Variants in ENOX2 observed in about 807,000 individuals in gnomAD.
The protein encoded by ENOX2 is ecto-NOX disulfide-thiol exchanger 2.
Under a neutral mutation model 45.0 loss-of-function variants are expected in ENOX2, and 36 were observed. The observed-to-expected ratio is 0.80, with a 90% CI of 0.61 to 1.06. The LOEUF is 1.06. Ranked by LOEUF, ENOX2 falls within the 50% of genes least tolerant of loss-of-function variation. ENOX2 has a pLI of 0.00. For synonymous variants in ENOX2, 174 were observed against 152.3 expected, an observed-to-expected ratio of 1.14 and a Z score of -1.05; for missense variants, 423 against 462.5, an observed-to-expected ratio of 0.91 and a Z score of 0.78.
At chrX:130,644,064 G>A (rs1446851167) in intron 10 of ENOX2, among the ~76,000 whole-genome samples, 1 of 111,587 alleles carries the variant, frequency 9.0e-6, no homozygotes, top group African/African-American at 3.3e-5. Context: ...CATGGAACTT[G>A]AATAGTATAC....
intron 2 of ENOX2, among the ~76,000 whole-genome samples, chrX:130,896,386 G>A (rs755358669): frequency 3.0e-4 from 33 of 110,137 alleles, no homozygotes; most frequent in Admixed American, 7.7e-4. Flanking sequence ...ACATCCCCAC[G>A]GGTACATATC....
At chrX:130,708,480 A>G (rs1008516701) in intron 3 of ENOX2, among the ~76,000 whole-genome samples, 2 of 112,011 alleles carry the variant, frequency 1.8e-5, no homozygotes, top group Non-Finnish European at 3.8e-5. Flanking sequence ...AATGCTCACA[A>G]TGTAACTCAT....
At chrX:130,863,078 C>A (rs965988659) in intron 2 of ENOX2, among the ~76,000 whole-genome samples, 3 of 112,055 alleles carry the variant, frequency 2.7e-5, no homozygotes, top group Admixed American at 1.9e-4. Context: ...ACACCACAAA[C>A]ACAAACACAT....
At chrX:130,769,056 T>C (rs747342955) in intron 3 of ENOX2, among the ~76,000 whole-genome samples, 5 of 111,578 alleles carry the variant, frequency 4.5e-5, no homozygotes, top group South Asian at 7.6e-4. Flanking sequence ...GCCTAATTAT[T>C]GGAGCAAATG....
At chrX:130,846,172 A>G (rs967485833) in intron 2 of ENOX2, among the ~76,000 whole-genome samples, 1 of 111,499 alleles carries the variant, frequency 9.0e-6, no homozygotes, top group Non-Finnish European at 1.9e-5. Context: ...CAGGTTGAGA[A>G]ATCAGGGTCT....
chrX:130,871,463 C>T (rs975306830), intron 2 of ENOX2, among the ~76,000 whole-genome samples: 1 of 110,753 alleles, frequency 9.0e-6, no homozygotes, highest in Non-Finnish European at 1.9e-5. Context: ...GAATATATAA[C>T]GCCCAATCAA....
rs190329426 is a variant in ENOX2 at position 130,805,634 on chromosome X, T to C, written c.-182-21944A>G. On this transcript the variant is annotated intron_variant, in intron 2 of 14. Coordinates refer to ENST00000394363, the MANE Select transcript of ENOX2 (RefSeq NM_006375.4). ...CACATTTACACACCACCATATGTCA[T>C]ATCCATAGACACTCAATACATGCTG... 1.8e-3 allele frequency among the ~76,000 whole-genome samples: 196 copies of C among 111,735 alleles called. 1 individual carries two copies. Among genetic ancestry groups the C allele is most frequent in the African/African-American group, 5.9e-3 (181 of 30,755 alleles).
chrX:130,796,902 G>T (rs1014133342), intron 2 of ENOX2, among the ~76,000 whole-genome samples: 2 of 112,061 alleles, frequency 1.8e-5, no homozygotes, highest in African/African-American at 6.5e-5. Context: ...CAATGTAATT[G>T]TCTCCTGGAG....
chrX:130,856,358 G>C (rs1401569814), intron 2 of ENOX2, among the ~76,000 whole-genome samples: 1 of 112,070 alleles, frequency 8.9e-6, no homozygotes, highest in African/African-American at 3.2e-5. Flanking sequence ...TGAAGATTGA[G>C]CTACAGTACC....
chrX:130,664,497 TACTC>T (rs1388374304), intron 9 of ENOX2, among the ~76,000 whole-genome samples: 1 of 112,820 alleles, frequency 8.9e-6, no homozygotes, highest in East Asian at 2.8e-4. Flanking sequence ...AATCTATACC[TACTC>T]ACTATCACTT....
At chrX:130,637,540 T>G in intron 10 of ENOX2, 130 bp from the exon 11 acceptor site, 2 of 485,425 alleles carry the variant, frequency 4.1e-6, no homozygotes, top group Non-Finnish European at 6.8e-6. Context: ...CAGCAAGAGA[T>G]AGATACAAAA....
chrX:130,887,450 A>G (rs2078926346), intron 2 of ENOX2, among the ~76,000 whole-genome samples: 2 of 110,114 alleles, frequency 1.8e-5, no homozygotes, highest in African/African-American at 6.6e-5. Flanking sequence ...CGAGCAACTG[A>G]GCTTCAGCAA....
chrX:130,659,798 C>T (rs770878916), intron 9 of ENOX2, among the ~76,000 whole-genome samples: 1 of 112,296 alleles, frequency 8.9e-6, no homozygotes, highest in Non-Finnish European at 1.9e-5. Flanking sequence ...AAAATATGTT[C>T]CTTCTAGGGA....
intron 3 of ENOX2, among the ~76,000 whole-genome samples, chrX:130,706,443 T>C (rs2038039309): frequency 9.0e-6 from 1 of 111,112 alleles, no homozygotes; most frequent in South Asian, 3.8e-4. Flanking sequence ...AGGATTTTCT[T>C]CCAGGTAGTG....
chrX:130,775,046 A>T (rs1433388736), intron 3 of ENOX2, among the ~76,000 whole-genome samples: 1 of 112,260 alleles, frequency 8.9e-6, no homozygotes, highest in Non-Finnish European at 1.9e-5. Context: ...ACAGAGTACC[A>T]TAAAAACTTC....
intron 2 of ENOX2, among the ~76,000 whole-genome samples, chrX:130,831,973 T>A (rs1202361898): frequency 1.8e-5 from 2 of 111,123 alleles, no homozygotes; most frequent in African/African-American, 6.5e-5. Flanking sequence ...AATTCTTACT[T>A]CTTTAGGAAA....
chrX:130,740,091 T>C (rs1210899644), intron 3 of ENOX2, among the ~76,000 whole-genome samples: 1 of 112,094 alleles, frequency 8.9e-6, no homozygotes, highest in Non-Finnish European at 1.9e-5. Context: ...ATATAAAACA[T>C]GGTTCCTGAC....
intron 3 of ENOX2, among the ~76,000 whole-genome samples, chrX:130,723,470 T>G (rs1409925626): frequency 1.8e-5 from 2 of 112,435 alleles, no homozygotes; most frequent in East Asian, 5.6e-4. Context: ...TGCTTTTCTT[T>G]CTTTACCAAT....
chrX:130,867,428 C>T (rs1345284093), intron 2 of ENOX2, among the ~76,000 whole-genome samples: 1 of 111,415 alleles, frequency 9.0e-6, no homozygotes, highest in Non-Finnish European at 1.9e-5. Context: ...ACTTTTGGGG[C>T]TTTGTTATAT....
Sources: gnomAD v4.1 joint callset for allele counts (sites outside exome capture counted in the v4.1 genomes callset) on GRCh38, gnomAD v4.1.1 for gene constraint, MANE v1.5 for transcripts, NCBI Gene and HGNC (gene_info 2026-07-23, HGNC 2026-07-21) for gene names.